Variants in DPP6 observed in about 807,000 individuals in gnomAD.
DPP6 encodes dipeptidyl peptidase like 6, also known as A-type potassium channel modulatory protein DPP6.
DPP6 carries 69 observed loss-of-function variants against 122.6 expected under a neutral mutation model. The ratio of observed to expected loss-of-function variants is 0.56; its 90% CI spans 0.46 to 0.69. The LOEUF is 0.69. DPP6 is among the 30% of genes least tolerant of loss of function. The pLI is 0.00. For missense variants in DPP6, 928 were observed against 1,116.9 expected, an observed-to-expected ratio of 0.83 and a Z score of 2.41; for synonymous variants, 418 against 433.1, an observed-to-expected ratio of 0.97 and a Z score of 0.43.
intron 1 of DPP6, among the ~76,000 whole-genome samples, chr7:154,246,252 G>A (rs962522132): frequency 2.8e-5 from 4 of 142,880 alleles, no homozygotes; most frequent in Middle Eastern, 3.5e-3. Flanking sequence ...AGTAGTGCTT[G>A]TTGAGAAATT....
intron 1 of DPP6, among the ~76,000 whole-genome samples, chr7:154,337,710 G>A (rs562578168): frequency 3.3e-5 from 5 of 152,282 alleles, no homozygotes; most frequent in East Asian, 1.9e-4. Flanking sequence ...AAACCAGAAC[G>A]CAAGGGATAA....
At chr7:154,292,665 C>A (rs1019381619) in intron 1 of DPP6, among the ~76,000 whole-genome samples, 1 of 152,152 alleles carries the variant, frequency 6.6e-6, no homozygotes. Context: ...GGGATCTGAA[C>A]ATTCTTAAAA....
chr7:154,465,147 G>A (rs1469733435), intron 2 of DPP6, among the ~76,000 whole-genome samples: 1 of 152,170 alleles, frequency 6.6e-6, no homozygotes, highest in Non-Finnish European at 1.5e-5. Context: ...GCAAAACCAT[G>A]GGTAAGGAGG....
intron 7 of DPP6, among the ~76,000 whole-genome samples, chr7:154,694,326 G>A (rs976319697): frequency 2.0e-5 from 3 of 152,158 alleles, no homozygotes; most frequent in African/African-American, 4.8e-5. Context: ...AAGAAGACAT[G>A]GGAGGCCAGG....
intron 1 of DPP6, among the ~76,000 whole-genome samples, chr7:154,297,962 C>T (rs1275855687): frequency 1.3e-5 from 2 of 152,192 alleles, no homozygotes; most frequent in Non-Finnish European, 2.9e-5. Flanking sequence ...AGCTTCTTCT[C>T]AAACACCAGG....
At chr7:154,121,017 C>T (rs1320417727) in intron 1 of DPP6, among the ~76,000 whole-genome samples, 1 of 152,140 alleles carries the variant, frequency 6.6e-6, no homozygotes, top group Non-Finnish European at 1.5e-5. Flanking sequence ...AATGAGTTCT[C>T]AGGAGATCTG....
chr7:154,025,142 G>A (rs991874491), intron 1 of DPP6, among the ~76,000 whole-genome samples: 1 of 151,994 alleles, frequency 6.6e-6, no homozygotes, highest in Non-Finnish European at 1.5e-5. Context: ...TTAAAACTTT[G>A]GGCTAATTAC....
intron 1 of DPP6, among the ~76,000 whole-genome samples, chr7:154,382,073 C>CT (rs55970006): frequency 0.48 from 63,023 of 130,660 alleles, 16,819 homozygotes; most frequent in Non-Finnish European, 0.6. Flanking sequence ...TTTTTTTTTC[C>CT]TTTTTTTTTT....
chr7:153,989,249 C>CTA (rs1554427996), intron 1 of DPP6, among the ~76,000 whole-genome samples: 1 of 123,848 alleles, frequency 8.1e-6, no homozygotes, highest in Non-Finnish European at 1.7e-5. Context: ...GTGTGTGTCA[C>CTA]TGAGTGGGCG....
At chr7:154,198,561 G>A (rs1160731365) in intron 1 of DPP6, among the ~76,000 whole-genome samples, 1 of 152,012 alleles carries the variant, frequency 6.6e-6, no homozygotes, top group Non-Finnish European at 1.5e-5. Context: ...TGATCTGCCC[G>A]CCTCGGCCAC....
intron 1 of DPP6, among the ~76,000 whole-genome samples, chr7:154,372,250 C>G (rs1255788389): frequency 6.6e-6 from 1 of 152,274 alleles, no homozygotes; most frequent in South Asian, 2.1e-4. Flanking sequence ...ATGCATGAAG[C>G]GTAACACAGG....
Position 154,441,383 on chromosome 7 carries a change from T to C in DPP6, c.244-4831T>C, listed in dbSNP as rs1175246455. ...AAATAGTAAATTAGTATCTTGTGTTTCTATAATTTTTATAAATTATAGTGT... is the reference window on the plus strand; with the variant it reads ...AAATAGTAAATTAGTATCTTGTGTTCCTATAATTTTTATAAATTATAGTGT... On this transcript the variant is annotated intron_variant, in intron 1 of 25. Transcript: ENST00000377770. 2.0e-5 allele frequency among the ~76,000 whole-genome samples: 3 copies of C among 152,226 alleles called. No individual in the cohort carries two copies. The East Asian group carries it at 5.8e-4, about 29-fold the overall frequency.
intron 3 of DPP6, among the ~76,000 whole-genome samples, chr7:154,521,253 T>G (rs886259383): frequency 4.6e-5 from 7 of 152,352 alleles, no homozygotes; most frequent in Admixed American, 3.3e-4. Flanking sequence ...GATCTTTATT[T>G]CACCTTCACC....
intron 18 of DPP6, among the ~76,000 whole-genome samples, chr7:154,870,735 T>G (rs1268792794): frequency 6.7e-6 from 1 of 148,994 alleles, no homozygotes; most frequent in Non-Finnish European, 1.5e-5. Context: ...GGCCGAGGCA[T>G]GCGGATCACT....
intron 1 of DPP6, among the ~76,000 whole-genome samples, chr7:154,065,559 A>C (rs1221102380): frequency 6.6e-6 from 1 of 151,708 alleles, no homozygotes. Context: ...GCCCTACTGA[A>C]TACTACTACC....
chr7:154,865,299 A>T (rs1243209030), intron 17 of DPP6: 5 of 152,186 alleles, frequency 3.3e-5, no homozygotes, highest in Admixed American at 2.6e-4. Context: ...TGCACACCCC[A>T]AGTTCCTCAC....
upstream of DPP6, among the ~76,000 whole-genome samples, chr7:154,050,220 A>G (rs1259643578): frequency 1.3e-5 from 2 of 151,962 alleles, no homozygotes; most frequent in Non-Finnish European, 2.9e-5. Context: ...ATCGCTTATC[A>G]TATTTTCTTA....
intron 17 of DPP6, among the ~76,000 whole-genome samples, chr7:154,860,490 A>C (rs540201530): frequency 6.6e-6 from 1 of 152,256 alleles, no homozygotes; most frequent in East Asian, 1.9e-4. Flanking sequence ...AAAGGATGAG[A>C]GTCTGGACCA....
intron 1 of DPP6, among the ~76,000 whole-genome samples, chr7:153,951,679 C>A (rs1802222008): frequency 6.6e-6 from 1 of 152,176 alleles, no homozygotes; most frequent in Non-Finnish European, 1.5e-5. Flanking sequence ...CTATCCTAAA[C>A]CTTCCCACAC....
Sources: allele counts gnomAD v4.1 joint callset (sites outside exome capture counted in the v4.1 genomes callset), GRCh38; gene constraint gnomAD v4.1.1; transcripts MANE v1.5; gene names NCBI Gene and HGNC (gene_info 2026-07-23, HGNC 2026-07-21).